The following PROM2 variants were observed in gnomAD, a reference collection of about 807,000 sequenced individuals.
PROM2 encodes the protein prominin 2.
In PROM2, 90 loss-of-function variants were observed where a neutral mutation model predicts 110.2. The observed-to-expected ratio is 0.82, with a 90% CI of 0.69 to 0.97. The LOEUF (loss-of-function observed/expected upper bound fraction) is 0.97. PROM2 is among the 50% of genes least tolerant of loss of function. The pLI is 0.00. For missense variants in PROM2, 1,009 were observed against 1,074.8 expected (o/e 0.94, Z 0.86); for synonymous variants, 470 against 467.8 (o/e 1.00, Z -0.06).
intron 20 of PROM2, 115 bp from the exon 21 acceptor site, chr2:95,288,096 A>G (rs909534803): frequency 5.1e-5 from 50 of 975,926 alleles, no homozygotes; most frequent in African/African-American, 4.0e-4. Context: ...GGTGGCCCCA[A>G]TGGTGTCCCC....
chr2:95,287,998 A>G (rs188471402), intron 20 of PROM2, among the ~76,000 whole-genome samples: 64 of 152,302 alleles, frequency 4.2e-4, no homozygotes, highest in Non-Finnish European at 7.5e-4. Flanking sequence ...TGGTGAACAG[A>G]TGGAAAGGGG....
Position 95,285,050 on chromosome 2 carries a change from C to CGGGACCTGGAGGCCCTGCAGAGCAGT in PROM2, c.1814_1839dup (p.Leu614ThrfsTer27), listed in dbSNP as rs748003116. The CGGGACCTGGAGGCCCTGCAGAGCAGT allele has an allele frequency of 6.3e-6, 10 of 1,598,424 alleles. No individual in the cohort carries two copies. On this transcript the variant is annotated frameshift_variant, in exon 15 of 24. Coordinates refer to ENST00000317620, the MANE Select transcript of PROM2 (RefSeq NM_001165978.3). LOFTEE classifies it high-confidence loss of function. ...GGACCTGCTGAGCTCAGCCGCCCGC[C>CGGGACCTGGAGGCCCTGCAGAGCAGT]GGGACCTGGAGGCCCTGCAGAGCAG...
chr2:95,285,378 C>A (rs563774069), intron 15 of PROM2, among the ~76,000 whole-genome samples: 2 of 152,330 alleles, frequency 1.3e-5, no homozygotes, highest in East Asian at 3.9e-4. Flanking sequence ...CCACTGCTGC[C>A]GAGGACGCAT....
At chr2:95,286,118 G>A (rs1478143727) in intron 16 of PROM2, among the ~76,000 whole-genome samples, 4 of 152,190 alleles carry the variant, frequency 2.6e-5, no homozygotes, top group Non-Finnish European at 5.9e-5. Flanking sequence ...CCCTTGAGGG[G>A]AAAAATAGCA....
intron 8 of PROM2, 184 bp downstream of exon 8, chr2:95,278,188 A>C (rs1308434213): frequency 6.6e-6 from 4 of 610,338 alleles, no homozygotes. Flanking sequence ...CAGATGGGAG[A>C]GCTGGGCCCT....
In PROM2 at chr2:95,285,110, G is replaced by T. The variant is rs759960403; in HGVS notation, c.1870G>T (p.Val624Phe). 2 of 1,572,076 alleles carry T rather than the reference G, an allele frequency of 1.3e-6. No homozygotes were observed. Among genetic ancestry groups the T allele is most frequent in the East Asian group, 2.3e-5 (1 of 42,842 alleles). The change falls in exon 15 of 24, where the codon GTT (valine) becomes TTT (phenylalanine). Residue 624 changes from valine (V) to phenylalanine (F), a missense_variant. By Grantham distance (50) the Val-to-Phe change is conservative (BLOSUM62 -1). Transcript: ENST00000317620. ...GCGCATCCACTACCCCGACTTCCTC[G>T]TTCAGGTCAGCGGTGGGCACCTCAG... ...LQRIHYPDFL[V>F]QIQRPVVKTS...
chr2:95,278,063 TC>T, intron 8 of PROM2, 59 bp downstream of exon 8: 1 of 1,455,688 alleles, frequency 6.9e-7, no homozygotes, highest in Non-Finnish European at 9.5e-7. Context: ...GGCCTCTGTT[TC>T]CCCCTTTTGG....
chr2:95,287,453 G>C lies in PROM2; in HGVS notation c.2233G>C (p.Val745Leu), dbSNP rs752284377. 6.2e-7 allele frequency: 1 copy of C among 1,614,038 alleles called. No homozygotes were observed. Among genetic ancestry groups the C allele is most frequent in the Non-Finnish European group, 8.5e-7 (1 of 1,180,008 alleles). ...MGYFSQYVAW[V>L]REEVTQRIAT... ...CTACTTCTCCCAGTACGTGGCCTGG[G>C]TGAGAGAGGAGGTGAGTGGGGCCTC... is the stretch of plus-strand genomic sequence containing the variant. Residue 745 changes from valine (V) to leucine (L), a missense_variant, in exon 20 of 24, where the codon GTG becomes CTG. Val to Leu is a conservative substitution (Grantham distance 32). Transcript: ENST00000317620.
intron 21 of PROM2, 71 bp downstream of exon 21, chr2:95,288,371 G>T: frequency 6.3e-7 from 1 of 1,593,242 alleles, no homozygotes; most frequent in Non-Finnish European, 8.6e-7. Context: ...GGAGGGCCGG[G>T]TGAGCAGGGT....
Position 95,286,832 on chromosome 2 carries a change from T to C in PROM2, c.2069T>C (p.Leu690Pro), listed in dbSNP as rs529990921. ...AAGCTCAACCTCAGCGTCAGGGCCC[T>C]GGAGTCCTCTGCCCCGAATCTCCAG... Reference protein sequence around the residue: ...VAKLNLSVRALESSAPNLQLE... With the variant: ...VAKLNLSVRAPESSAPNLQLE... The change falls in exon 18 of 24, where the codon CTG becomes CCG. Residue 690 changes from leucine to proline, a missense_variant. Physicochemically the swap from Leu to Pro is moderately conservative, Grantham distance 98 (BLOSUM62 -3). Transcript: ENST00000317620. 1.9e-6 allele frequency: 3 copies of C among 1,613,732 alleles called. No individual in the cohort carries two copies. In the African/African-American group the frequency reaches 4.0e-5, roughly 22 times the overall value.
chr2:95,280,956 C>T (rs1014249056), intron 11 of PROM2, among the ~76,000 whole-genome samples: 1 of 152,232 alleles, frequency 6.6e-6, no homozygotes, highest in Non-Finnish European at 1.5e-5. Context: ...CCCGGATAGT[C>T]CTGGCTCTTT....
chr2:95,276,424 C>A lies in PROM2; in HGVS notation c.618+77C>A. ...GGCAGGACAGAGCCGAGTGGGCCCT[C>A]GATGGCCCATAACCAGCGCATCTGA... is the stretch of plus-strand genomic sequence containing the variant. On this transcript the variant is annotated intron_variant, in intron 4 of 23. Coordinates refer to ENST00000317620, the MANE Select transcript of PROM2 (RefSeq NM_001165978.3). The surrounding 1 kb of genome is among the most constrained non-coding windows in gnomAD (Gnocchi z 4.6). 1.3e-6 allele frequency: 2 copies of A among 1,594,592 alleles called. No individual in the cohort carries two copies. The highest frequency in any genetic ancestry group is 1.7e-6 in the Non-Finnish European group (2 of 1,168,424).
chr2:95,274,509 G>T lies in PROM2; in HGVS notation c.-77G>T. 1 of 1,480,982 alleles carries T rather than the reference G, an allele frequency of 6.8e-7. No individual in the cohort carries two copies. The allele number at this position is 1,480,982 out of a possible 1,614,324, so 91.7% of individuals were successfully genotyped here. On this transcript the variant is annotated 5_prime_UTR_variant, in exon 1 of 24. It adds an upstream start codon to the 5' untranslated region. Transcript: ENST00000317620. ...TGAGAGCTGTGGAGAGAGGGACAGAGGCTGGAGAAGGATGTATGGCCTGCC... is the reference window on the plus strand; with the variant it reads ...TGAGAGCTGTGGAGAGAGGGACAGATGCTGGAGAAGGATGTATGGCCTGCC...
Position 95,286,858 on chromosome 2 carries a change from G to T in PROM2, c.2094+1G>T. ...GGAGTCCTCTGCCCCGAATCTCCAG[G>T]TGGCTGCTGTTGGTGGGGACGTATG... On this transcript the variant is annotated splice_donor_variant, in intron 18 of 23. Coordinates refer to ENST00000317620, the MANE Select transcript of PROM2 (RefSeq NM_001165978.3). LOFTEE classifies it high-confidence loss of function. The T allele has an allele frequency of 1.2e-6, 2 of 1,613,752 alleles. No individual in the cohort carries two copies. The highest frequency in any genetic ancestry group is 1.7e-6 in the Non-Finnish European group (2 of 1,179,954).
intron 12 of PROM2, 47 bp downstream of exon 12, chr2:95,281,412 G>A: frequency 6.3e-7 from 1 of 1,588,852 alleles, no homozygotes; most frequent in Non-Finnish European, 8.5e-7. Context: ...AGAGGTGGGG[G>A]GCGGTATCAG....
At chr2:95,285,511 T>C (rs1193733575) in intron 15 of PROM2, 128 bp from the exon 16 acceptor site, 2 of 690,598 alleles carry the variant, frequency 2.9e-6, no homozygotes, top group Non-Finnish European at 2.5e-6. Context: ...GTGACTGATG[T>C]GTCACAATAC....
Position 95,275,386 on chromosome 2 carries a change from G to A in PROM2, c.245-75G>A. 1 of 1,441,610 alleles carries A rather than the reference G, an allele frequency of 6.9e-7. No individual in the cohort carries two copies. The allele number at this position is 1,441,610 out of a possible 1,614,324, so 89.3% of individuals were successfully genotyped here. On this transcript the variant is annotated intron_variant, in intron 1 of 23. Transcript: ENST00000317620. The surrounding 1 kb of genome is among the most constrained non-coding windows in gnomAD (Gnocchi z 4.4). ...CCCTGCCTCAGAGCCACTTTGCCCT[G>A]GCAGTGGGGAGAGGAGGGACACAGG...
intron 11 of PROM2, 106 bp downstream of exon 11, chr2:95,280,103 A>C (rs1029203718): frequency 2.6e-6 from 3 of 1,146,048 alleles, no homozygotes; most frequent in Non-Finnish European, 3.4e-6. Flanking sequence ...CAGTGTCATC[A>C]TCTGAATAAA....
chr2:95,279,937 C>T lies in PROM2; in HGVS notation c.1367C>T (p.Ala456Val), dbSNP rs371765268. ...GLNLGIWGLS[A>V]RDDPSHPEAK... ...AATCTGGGCATCTGGGGCCTGTCTGCCAGGGACGACCCCAGCCACCCAGAA... is the reference window on the plus strand; with the variant it reads ...AATCTGGGCATCTGGGGCCTGTCTGTCAGGGACGACCCCAGCCACCCAGAA... Residue 456 changes from alanine (A) to valine (V), a missense_variant, in exon 11 of 24, where the codon GCC (alanine) becomes GTC (valine). Transcript: ENST00000317620. 2 of 1,538,298 alleles carry T rather than the reference C, an allele frequency of 1.3e-6. No homozygotes were observed. The highest frequency in any genetic ancestry group is 1.8e-6 in the Non-Finnish European group (2 of 1,140,254).
Sources: gnomAD v4.1 joint callset for allele counts (sites outside exome capture counted in the v4.1 genomes callset) on GRCh38, gnomAD v4.1.1 for gene constraint, Gnocchi (gnomAD v3.1) non-coding constraint, MANE v1.5 for transcripts, NCBI Gene and HGNC (gene_info 2026-07-23, HGNC 2026-07-21) for gene names.